CERS6: variants seen among roughly 807,000 people sequenced by gnomAD.
CERS6 encodes LAG1 homolog, ceramide synthase 6.
In CERS6, 26 loss-of-function variants were observed where a neutral mutation model predicts 56.8. The ratio of observed to expected loss-of-function variants is 0.46; its 90% CI spans 0.34 to 0.63. The LOEUF (loss-of-function observed/expected upper bound fraction) is 0.63. Ranked by LOEUF, CERS6 falls within the 30% of genes least tolerant of loss-of-function variation. The pLI is 0.01. For missense variants in CERS6, 415 were observed against 467.5 expected (o/e 0.89, Z 1.04); for synonymous variants, 164 against 173.3 (o/e 0.95, Z 0.42).
intron 4 of CERS6, among the ~76,000 whole-genome samples, chr2:168,665,364 A>G (rs760728956): frequency 2.6e-5 from 4 of 152,164 alleles, no homozygotes; most frequent in Non-Finnish European, 5.9e-5. Context: ...ATTTACTACC[A>G]ATTACTTAAG....
intron 4 of CERS6, among the ~76,000 whole-genome samples, chr2:168,641,348 C>A (rs1158006816): frequency 2.0e-5 from 3 of 152,120 alleles, no homozygotes; most frequent in Non-Finnish European, 4.4e-5. Context: ...CCCATAGAAA[C>A]TGCACGGAAC....
intron 8 of CERS6, among the ~76,000 whole-genome samples, chr2:168,731,233 C>G (rs1344614574): frequency 6.6e-6 from 1 of 152,130 alleles, no homozygotes; most frequent in African/African-American, 2.4e-5. Flanking sequence ...AGAGAGTGCC[C>G]TGAGTCACTT....
At chr2:168,547,502 T>C in intron 1 of CERS6, 94 bp from the exon 2 acceptor site, 2 of 643,062 alleles carry the variant, frequency 3.1e-6, no homozygotes, top group Non-Finnish European at 5.3e-6. Flanking sequence ...AACACTTTAT[T>C]GGGATAATTG....
In CERS6 at chr2:168,477,920, G is replaced by A. The variant is rs571702989; in HGVS notation, c.170+21302G>A. On this transcript the variant is annotated intron_variant, in intron 1 of 9. Transcript: ENST00000305747. ...TAGTTTTCCACGAATTAATGTTTTT[G>A]TCTTTTTTGGGAGTGTTTATTGTTT... Among the ~76,000 whole-genome samples the A allele has an allele frequency of 3.3e-5, 5 of 152,228 alleles. No individual in the cohort carries two copies. In the South Asian group the frequency reaches 8.3e-4, roughly 25 times the overall value.
At chr2:168,706,499 G>A (rs936768031) in intron 6 of CERS6, among the ~76,000 whole-genome samples, 10 of 152,154 alleles carry the variant, frequency 6.6e-5, no homozygotes, top group Admixed American at 1.3e-4. Context: ...GGCACATCTA[G>A]CAGTAGAGAA....
chr2:168,511,723 G>A (rs564803177), intron 1 of CERS6, among the ~76,000 whole-genome samples: 8 of 151,910 alleles, frequency 5.3e-5, no homozygotes, highest in South Asian at 4.2e-4. Context: ...TTATTTTTCC[G>A]TTTGTATTTA....
intron 8 of CERS6, among the ~76,000 whole-genome samples, chr2:168,734,208 A>G (rs1683642063): frequency 6.6e-6 from 1 of 152,120 alleles, no homozygotes; most frequent in African/African-American, 2.4e-5. Flanking sequence ...AAAAAGAGAT[A>G]GTGGACGTAG....
At chr2:168,463,414 C>G (rs10209303) in intron 1 of CERS6, among the ~76,000 whole-genome samples, 11,595 of 152,044 alleles carry the variant, frequency 0.076, 495 homozygotes, top group East Asian at 0.18. Context: ...TGTTTTTGTT[C>G]GATATTTAGG....
intron 8 of CERS6, among the ~76,000 whole-genome samples, chr2:168,730,221 G>C (rs1227752427): frequency 6.6e-6 from 1 of 152,182 alleles, no homozygotes; most frequent in Non-Finnish European, 1.5e-5. Context: ...CCTTTAGTAA[G>C]TTTAATAAGT....
chr2:168,576,312 C>G (rs537514882), intron 3 of CERS6, among the ~76,000 whole-genome samples: 2 of 152,116 alleles, frequency 1.3e-5, no homozygotes, highest in African/African-American at 4.8e-5. Context: ...TGACAAAGAG[C>G]CAGTCTTATC....
At chr2:168,748,981 A>G (rs1361050582) in intron 8 of CERS6, among the ~76,000 whole-genome samples, 2 of 59,766 alleles carry the variant, frequency 3.3e-5, no homozygotes, top group African/African-American at 1.4e-4. Context: ...TGCCTCCCCC[A>G]TCCCTTCCTC....
chr2:168,708,075 T>A (rs1017471077), intron 6 of CERS6, among the ~76,000 whole-genome samples: 3 of 152,170 alleles, frequency 2.0e-5, no homozygotes, highest in Non-Finnish European at 4.4e-5. Flanking sequence ...AGGTTTTATA[T>A]ATATTCATCC....
chr2:168,513,932 C>T (rs1394737748), intron 1 of CERS6, among the ~76,000 whole-genome samples: 8 of 152,104 alleles, frequency 5.3e-5, no homozygotes, highest in Non-Finnish European at 7.4e-5. Flanking sequence ...GCCTTCTCTT[C>T]GTCCCTATTC....
chr2:168,638,544 T>A (rs1311302338), intron 4 of CERS6, among the ~76,000 whole-genome samples: 4 of 152,186 alleles, frequency 2.6e-5, no homozygotes, highest in Non-Finnish European at 4.4e-5. Flanking sequence ...TTGAAGCTAA[T>A]TTGGACTTTA....
At chr2:168,562,854 G>T (rs1020764248) in intron 3 of CERS6, among the ~76,000 whole-genome samples, 14 of 152,164 alleles carry the variant, frequency 9.2e-5, no homozygotes, top group African/African-American at 3.4e-4. Flanking sequence ...TTATGTATCT[G>T]GGCTCTTGGT....
At chr2:168,513,092 A>G (rs534456661) in intron 1 of CERS6, among the ~76,000 whole-genome samples, 1 of 152,310 alleles carries the variant, frequency 6.6e-6, no homozygotes, top group African/African-American at 2.4e-5. Flanking sequence ...AGATTGGGGC[A>G]CTAAAATGTT....
intron 2 of CERS6, among the ~76,000 whole-genome samples, chr2:168,557,507 A>C (rs1057510401): frequency 2.0e-5 from 3 of 152,218 alleles, no homozygotes; most frequent in African/African-American, 7.2e-5. Flanking sequence ...GTACTGGCGC[A>C]TTAATAAATA....
chr2:168,561,458 A>G, intron 3 of CERS6, 136 bp downstream of exon 3: 1 of 869,218 alleles, frequency 1.2e-6, no homozygotes, highest in South Asian at 2.0e-5. Flanking sequence ...TTCAGGAAAA[A>G]CACAGGAAAC....
At chr2:168,766,264 A>G in intron 9 of CERS6, 2 of 1,550,694 alleles carry the variant, frequency 1.3e-6, no homozygotes, top group Non-Finnish European at 1.8e-6. Flanking sequence ...ACTTTTCCAG[A>G]TCATTCTCTG....
Sources: gnomAD v4.1 joint callset for allele counts (sites outside exome capture counted in the v4.1 genomes callset) on GRCh38, gnomAD v4.1.1 for gene constraint, MANE v1.5 for transcripts, NCBI Gene and HGNC (gene_info 2026-07-23, HGNC 2026-07-21) for gene names.